The following TTC4 variants were observed in gnomAD, a reference collection of about 807,000 sequenced individuals.
TTC4 encodes hsp70/Hsp90 co-chaperone CNS1 homolog.
Under a neutral mutation model 51.9 loss-of-function variants are expected in TTC4, and 36 were observed. That is an observed-to-expected ratio of 0.69 (90% CI 0.53 to 0.92). The LOEUF (loss-of-function observed/expected upper bound fraction) is 0.92, where lower values mean the gene tolerates loss of function less well. TTC4 is among the 40% of genes least tolerant of loss of function. The probability of loss-of-function intolerance (pLI) is 0.00; values close to 1 mark genes in which losing one functional copy is unlikely to be tolerated. For missense variants in TTC4, 399 were observed against 454.6 expected (o/e 0.88, Z 1.11); for synonymous variants, 144 against 164.2 (o/e 0.88, Z 0.94).
rs1010566081 is a variant in TTC4 at position 54,735,681 on chromosome 1, T to C, written c.979-1901T>C. Among the ~76,000 whole-genome samples, 38 of 152,234 alleles carry C rather than the reference T, an allele frequency of 2.5e-4. 1 individual carries two copies. Among genetic ancestry groups the C allele is most frequent in the Non-Finnish European group, 8.8e-5 (6 of 68,048 alleles). ...CCAGCCTTCTCCACTGTACAGTTAC[T>C]TTTTCTTTATGATTAATAAGTGTTT... is the stretch of plus-strand genomic sequence containing the variant. On this transcript the variant is annotated intron_variant, in intron 8 of 9. Transcript: ENST00000371281.
chr1:54,715,897 A>G lies in TTC4; in HGVS notation c.-12A>G, dbSNP rs1038060996. ...GGCGCTGGGACCCGGGCTGGAAGGC[A>G]GGGCATCAGCTATGGAACAACCTGG... On this transcript the variant is annotated 5_prime_UTR_variant, in exon 1 of 10. Coordinates refer to ENST00000371281, the MANE Select transcript of TTC4 (RefSeq NM_004623.5). 4 of 1,592,158 alleles carry G rather than the reference A, an allele frequency of 2.5e-6. No homozygotes were observed. Among genetic ancestry groups the G allele is most frequent in the Non-Finnish European group, 3.4e-6 (4 of 1,168,282 alleles).
chr1:54,741,726 C>CTGGGTCT lies in TTC4; in HGVS notation c.*217_*223dup. On this transcript the variant is annotated 3_prime_UTR_variant, in exon 10 of 10. Transcript: ENST00000371281. Reference sequence around the variant, plus strand: ...CACTTTCCTCAGTTGATATAAAACTCTGGGTCTTGGCCATGATGTCCTTGG... The same window carrying CTGGGTCT: ...CACTTTCCTCAGTTGATATAAAACTCTGGGTCTTGGGTCTTGGCCATGATGTCCTTGG... 1.7e-6 allele frequency: 1 copy of CTGGGTCT among 583,266 alleles called. No homozygotes were observed. The highest frequency in any genetic ancestry group is 2.8e-5 in the East Asian group (1 of 35,292). 36.1% of individuals were successfully genotyped at this position (583,266 alleles called of 1,614,324 possible).
chr1:54,716,551 T>C, intron 1 of TTC4, 49 bp from the exon 2 acceptor site: 1 of 1,444,188 alleles, frequency 6.9e-7, no homozygotes, highest in Non-Finnish European at 9.5e-7. Flanking sequence ...GAATTGGATC[T>C]GCTCAGTAGA....
chr1:54,722,869 C>T (rs1645758964), intron 5 of TTC4, 70 bp downstream of exon 5: 5 of 1,575,940 alleles, frequency 3.2e-6, no homozygotes, highest in Non-Finnish European at 4.3e-6. Context: ...GATTGTGTCT[C>T]TCAAGTCATT....
intron 6 of TTC4, among the ~76,000 whole-genome samples, chr1:54,731,116 A>G (rs1339499408): frequency 2.6e-5 from 4 of 152,202 alleles, no homozygotes; most frequent in Admixed American, 6.5e-5. Flanking sequence ...TAGATGCCCA[A>G]TGAAGGTGAG....
At chr1:54,719,167 CAG>C (rs753817319) in intron 3 of TTC4, among the ~76,000 whole-genome samples, 21 of 152,060 alleles carry the variant, frequency 1.4e-4, no homozygotes, top group Non-Finnish European at 3.1e-4. Context: ...CCTGGAGGAA[CAG>C]GGGAGGAGTA....
chr1:54,727,055 C>CAAAAAAAAAA (rs56739564), intron 5 of TTC4, among the ~76,000 whole-genome samples: 1 of 102,920 alleles, frequency 9.7e-6, no homozygotes, highest in Non-Finnish European at 2.2e-5. Flanking sequence ...TCATGAAAGA[C>CAAAAAAAAAA]AAAAAAAAAA....
At chr1:54,716,041 C>T in intron 1 of TTC4, 22 bp downstream of exon 1, 1 of 1,556,962 alleles carries the variant, frequency 6.4e-7, no homozygotes, top group Non-Finnish European at 8.7e-7. Context: ...TGGGGTCTCC[C>T]CACGTGTGTA....
At chr1:54,724,251 G>T (rs913499942) in intron 5 of TTC4, among the ~76,000 whole-genome samples, 1 of 151,466 alleles carries the variant, frequency 6.6e-6, no homozygotes, top group Non-Finnish European at 1.5e-5. Flanking sequence ...TACCAGAGAT[G>T]AAGTGAAGCT....
chr1:54,741,566 G>T lies in TTC4; in HGVS notation c.*53G>T. 1 of 1,437,340 alleles carries T rather than the reference G, an allele frequency of 7.0e-7. No homozygotes were observed. Among genetic ancestry groups the T allele is most frequent in the Non-Finnish European group, 9.8e-7 (1 of 1,020,366 alleles). 89.0% of individuals were successfully genotyped at this position (1,437,340 alleles called of 1,614,324 possible). A position where few individuals can be genotyped will look rare whatever the true frequency, so the allele number is the denominator to read the frequency against. On this transcript the variant is annotated 3_prime_UTR_variant, in exon 10 of 10. Transcript: ENST00000371281. ...CTTACCCTCCTCTGCTGGGAACCTA[G>T]CACACCTGAATCAGCTGGACATACT... is the stretch of plus-strand genomic sequence containing the variant.
intron 8 of TTC4, 137 bp from the exon 9 acceptor site, chr1:54,737,445 C>G (rs1163225782): frequency 1.5e-6 from 1 of 657,972 alleles, no homozygotes; most frequent in Non-Finnish European, 2.5e-6. Flanking sequence ...AAATGCAAAG[C>G]ACCCAGCTAC....
Position 54,728,385 on chromosome 1 carries a change from G to GA in TTC4, c.638dup (p.Lys214GlufsTer7). On this transcript the variant is annotated frameshift_variant, in exon 6 of 10. Transcript: ENST00000371281. LOFTEE classifies it high-confidence loss of function. ...GGATGTGAGGAAAGCCAACTTGAAA[G>GA]AAAAGAAGGAGAGGAATCAGAATGA... 6.2e-7 allele frequency: 1 copy of GA among 1,613,286 alleles called. No individual in the cohort carries two copies. The highest frequency in any genetic ancestry group is 1.1e-5 in the South Asian group (1 of 91,008).
rs1365946954 is a variant in TTC4 at position 54,733,613 on chromosome 1, C to A, written c.897-16C>A. The A allele has an allele frequency of 6.3e-7, 1 of 1,578,716 alleles. No individual in the cohort carries two copies. The highest frequency in any genetic ancestry group is 2.3e-5 in the East Asian group (1 of 44,378). On this transcript the variant is annotated splice_polypyrimidine_tract_variant and intron_variant, in intron 7 of 9. Transcript: ENST00000371281. Reference sequence around the variant, plus strand: ...ATGAGTTATTGATACCCAGAAAGTACATGTTTTATCCTTAGGTTTATTGAT... The same window carrying A: ...ATGAGTTATTGATACCCAGAAAGTAAATGTTTTATCCTTAGGTTTATTGAT...
chr1:54,734,098 G>A (rs1374656446), intron 8 of TTC4, among the ~76,000 whole-genome samples: 1 of 152,054 alleles, frequency 6.6e-6, no homozygotes, highest in African/African-American at 2.4e-5. Context: ...TTGAGACGGA[G>A]TCTCGCTGTT....
intron 7 of TTC4, 47 bp downstream of exon 7, chr1:54,731,747 CTG>C: frequency 6.3e-7 from 1 of 1,578,344 alleles, no homozygotes; most frequent in Non-Finnish European, 8.6e-7. Context: ...CATGCTGTCT[CTG>C]TTTTTGTGGC....
At chr1:54,739,494 T>A (rs1645986617) in intron 9 of TTC4, among the ~76,000 whole-genome samples, 1 of 152,218 alleles carries the variant, frequency 6.6e-6, no homozygotes, top group Non-Finnish European at 1.5e-5. Context: ...GGAGTTGAAG[T>A]GCTGTTGTAA....
rs775634479 is a variant in TTC4 at position 54,741,475 on chromosome 1, A to T, written c.1126A>T (p.Asn376Tyr). The change falls in exon 10 of 10, where the codon AAT becomes TAT. Residue 376 changes from asparagine (N) to tyrosine (Y), a missense_variant. Asn to Tyr is a moderately radical substitution (Grantham distance 143, BLOSUM62 -2). Transcript: ENST00000371281. Reference protein sequence around the residue: ...VCVGSSPFCKNFLRGRKVYQI... With the variant: ...VCVGSSPFCKYFLRGRKVYQI... Reference sequence around the variant, plus strand: ...TGTAGGATCCTCTCCTTTTTGCAAGAATTTTCTCCGGGGGAGAAAGGTGTA... The same window carrying T: ...TGTAGGATCCTCTCCTTTTTGCAAGTATTTTCTCCGGGGGAGAAAGGTGTA... 1 of 1,614,064 alleles carries T rather than the reference A, an allele frequency of 6.2e-7. No homozygotes were observed. The highest frequency in any genetic ancestry group is 8.5e-7 in the Non-Finnish European group (1 of 1,180,002).
At position 54,741,729 on chromosome 1, in the gene TTC4, G is replaced by A. The variant is rs1016811216; in HGVS notation, c.*216G>A. On this transcript the variant is annotated 3_prime_UTR_variant, in exon 10 of 10. Coordinates refer to ENST00000371281, the MANE Select transcript of TTC4 (RefSeq NM_004623.5). ...TTTCCTCAGTTGATATAAAACTCTG[G>A]GTCTTGGCCATGATGTCCTTGGACT... is the stretch of plus-strand genomic sequence containing the variant. 3.5e-6 allele frequency: 2 copies of A among 578,648 alleles called. No individual in the cohort carries two copies. Among genetic ancestry groups the A allele is most frequent in the African/African-American group, 3.7e-5 (2 of 53,458 alleles). The allele number at this position is 578,648 out of a possible 1,614,324, so 35.8% of individuals were successfully genotyped here. A position where few individuals can be genotyped will look rare whatever the true frequency, so the allele number is the denominator to read the frequency against.
At chr1:54,722,585 T>A in intron 4 of TTC4, 90 bp from the exon 5 acceptor site, 2 of 1,569,802 alleles carry the variant, frequency 1.3e-6, no homozygotes, top group Non-Finnish European at 1.7e-6. Flanking sequence ...GGGTACTGGC[T>A]GGTAGTTGGT....
Sources: gnomAD v4.1 joint callset for allele counts (sites outside exome capture counted in the v4.1 genomes callset) on GRCh38, gnomAD v4.1.1 for gene constraint, MANE v1.5 for transcripts, NCBI Gene and HGNC (gene_info 2026-07-23, HGNC 2026-07-21) for gene names.